Variants in CEP78 observed in about 807,000 individuals in gnomAD.
CEP78 encodes the protein centrosomal protein 78, also known as centrosomal protein of 78 kDa.
In CEP78, 76 loss-of-function variants were observed where a neutral mutation model predicts 81.2. The ratio of observed to expected loss-of-function variants is 0.94; its 90% CI spans 0.78 to 1.13. CEP78 has a LOEUF of 1.13. Ranked by LOEUF, CEP78 falls within the 50% of genes most tolerant of loss-of-function variation. CEP78 has a pLI of 0.00. For synonymous variants in CEP78, 293 were observed against 301.4 expected (o/e 0.97, Z 0.29); for missense variants, 918 against 846.8 (o/e 1.08, Z -1.04).
In CEP78 at chr9:78,274,341, G is replaced by A. The variant is rs995969298; in HGVS notation, c.*3490G>A. The A allele has an allele frequency of 6.6e-6, 1 of 152,232 alleles. No individual in the cohort carries two copies. Among genetic ancestry groups the A allele is most frequent in the Non-Finnish European group, 1.5e-5 (1 of 68,110 alleles). The allele number at this position is 152,232 out of a possible 1,614,324, so 9.4% of individuals were successfully genotyped here. ...GGGGTTGGGAGGAGTTGATTACAAAGAGGCTGTACAAGGGAGTTTGTTTGT... is the reference window on the plus strand; with the variant it reads ...GGGGTTGGGAGGAGTTGATTACAAAAAGGCTGTACAAGGGAGTTTGTTTGT... On this transcript the variant is annotated 3_prime_UTR_variant, in exon 17 of 17. Transcript: ENST00000643273.
At chr9:78,250,696 G>T (rs1826716909) in intron 8 of CEP78, among the ~76,000 whole-genome samples, 1 of 152,046 alleles carries the variant, frequency 6.6e-6, no homozygotes, top group Admixed American at 6.5e-5. Flanking sequence ...CTAAGATTGT[G>T]CCACTGCACT....
rs143902867 is a variant in CEP78 at position 78,252,084 on chromosome 9, G to C, written c.1205+41G>C. 1.8e-3 allele frequency: 2,652 copies of C among 1,507,098 alleles called. 32 individuals carry two copies. The African/African-American group carries it at 0.03, about 17-fold the overall frequency. 93.4% of individuals were successfully genotyped at this position (1,507,098 alleles called of 1,614,324 possible). A position where few individuals can be genotyped will look rare whatever the true frequency, so the allele number is the denominator to read the frequency against. ...TTCCTATCTTTTAGGATAAAAATGG[G>C]ATTCAAAATTCTTTATTTTGGAGCT... On this transcript the variant is annotated intron_variant, in intron 9 of 16. Coordinates refer to ENST00000643273, the MANE Select transcript of CEP78 (RefSeq NM_001330691.3).
intron 1 of CEP78, among the ~76,000 whole-genome samples, chr9:78,236,827 G>A (rs879777840): frequency 2.0e-5 from 3 of 152,166 alleles, no homozygotes; most frequent in Middle Eastern, 3.2e-3. Context: ...AGGATTCCCT[G>A]CGCTGCTGAT....
At chr9:78,242,901 T>C (rs893550399) in intron 4 of CEP78, among the ~76,000 whole-genome samples, 1 of 152,204 alleles carries the variant, frequency 6.6e-6, no homozygotes, top group Non-Finnish European at 1.5e-5. Context: ...CTAAGAAATA[T>C]GTGAGATCCC....
rs146563928 is a variant in CEP78 at position 78,266,441 on chromosome 9, G to C, written c.1846-1G>C. 4,901 of 1,578,644 alleles carry C rather than the reference G, an allele frequency of 3.1e-3. 12 individuals carry two copies. The highest frequency in any genetic ancestry group is 3.7e-3 in the Non-Finnish European group (4,358 of 1,162,814). On this transcript the variant is annotated splice_acceptor_variant, in intron 15 of 16. Coordinates refer to ENST00000643273, the MANE Select transcript of CEP78 (RefSeq NM_001330691.3). LOFTEE classifies it high-confidence loss of function. The stretch of plus-strand genomic sequence containing the variant: ...AATTTTTGTTTTGTTTTTCCTTCTA[G>C]TTTCAGAAAATTACAGGTGATGCTA...
At chr9:78,259,588 C>T (rs558463266) in intron 11 of CEP78, among the ~76,000 whole-genome samples, 3 of 152,102 alleles carry the variant, frequency 2.0e-5, no homozygotes, top group South Asian at 2.1e-4. Context: ...TAATTCTGTT[C>T]GTATGTTTAT....
At chr9:78,248,142 A>G (rs1826583429) in intron 6 of CEP78, 149 bp from the exon 7 acceptor site, 1 of 634,184 alleles carries the variant, frequency 1.6e-6, no homozygotes, top group African/African-American at 1.9e-5. Context: ...TAGAATACTC[A>G]AAGGGGGAAA....
At chr9:78,253,928 G>A (rs187646279) in intron 10 of CEP78, 3 of 152,284 alleles carry the variant, frequency 2.0e-5, no homozygotes, top group Admixed American at 6.5e-5. Context: ...TCATTCTACC[G>A]TCTAGGATTT....
intron 16 of CEP78, among the ~76,000 whole-genome samples, 169 bp from the exon 17 acceptor site, chr9:78,270,672 G>T (rs72743774): frequency 6.6e-6 from 1 of 152,132 alleles, no homozygotes; most frequent in Admixed American, 6.5e-5. Flanking sequence ...TAATGAGTTC[G>T]TCCAATTTCA....
At chr9:78,247,810 A>G (rs1826567331) in intron 6 of CEP78, among the ~76,000 whole-genome samples, 1 of 152,128 alleles carries the variant, frequency 6.6e-6, no homozygotes, top group Non-Finnish European at 1.5e-5. Flanking sequence ...AGCTAACAAG[A>G]CTTGTGGGGT....
At chr9:78,255,057 A>G in intron 11 of CEP78, 93 bp downstream of exon 11, 2 of 1,046,830 alleles carry the variant, frequency 1.9e-6, no homozygotes, top group Non-Finnish European at 2.7e-6. Context: ...GACAGCTTGC[A>G]TGGGAATTCT....
chr9:78,268,324 A>G (rs1827612967), intron 16 of CEP78, among the ~76,000 whole-genome samples: 1 of 152,210 alleles, frequency 6.6e-6, no homozygotes, highest in Non-Finnish European at 1.5e-5. Context: ...CCACAAACAC[A>G]AGTAGTTGAG....
rs1826779631 is a variant in CEP78, at chr9:78,251,919, A to G, written c.1081A>G (p.Lys361Glu). 6.2e-7 allele frequency: 1 copy of G among 1,606,732 alleles called. No individual in the cohort carries two copies. The change falls in exon 9 of 17, where the codon AAG becomes GAG. Residue 361 changes from lysine (K) to glutamate (E), a missense_variant. Lys to Glu is a moderately conservative substitution (Grantham distance 56). Coordinates refer to ENST00000643273, the MANE Select transcript of CEP78 (RefSeq NM_001330691.3). ...CACTTCTCAAGTAGGATTGGCTACA[A>G]AGAAACCTGTAAGTAGTGGCAGAAA... The part of the protein sequence containing the change: ...KATIRIGLAT[K>E]KPVSSGRKHS...
At chr9:78,238,211 G>C (rs1322148556) in intron 1 of CEP78, among the ~76,000 whole-genome samples, 3 of 152,150 alleles carry the variant, frequency 2.0e-5, no homozygotes, top group Non-Finnish European at 4.4e-5. Flanking sequence ...GGGGCAGCAA[G>C]TATGGGTGAC....
chr9:78,241,979 G>A (rs147452055), intron 4 of CEP78, among the ~76,000 whole-genome samples, 180 bp downstream of exon 4: 92 of 152,256 alleles, frequency 6.0e-4, no homozygotes, highest in African/African-American at 2.1e-3. Flanking sequence ...AAGGTAGTAT[G>A]CTTAATCTTA....
At chr9:78,262,402 G>A (rs1239406997) in intron 11 of CEP78, among the ~76,000 whole-genome samples, 2 of 151,966 alleles carry the variant, frequency 1.3e-5, no homozygotes, top group Non-Finnish European at 2.9e-5. Flanking sequence ...TAAGTGTATG[G>A]TAGAGTTCCT....
chr9:78,241,564 G>GTAGA (rs1826229396), intron 3 of CEP78, 132 bp from the exon 4 acceptor site: 1 of 514,748 alleles, frequency 1.9e-6, no homozygotes, highest in African/African-American at 1.9e-5. Context: ...AGTTGCTTAG[G>GTAGA]TAGATTGTAA....
intron 11 of CEP78, among the ~76,000 whole-genome samples, chr9:78,256,318 G>C (rs953494584): frequency 6.6e-6 from 1 of 152,126 alleles, no homozygotes; most frequent in African/African-American, 2.4e-5. Flanking sequence ...ATATGGAAGA[G>C]TTGACTCCTA....
At position 78,278,825 on chromosome 9, in the gene CEP78, T is replaced by C. The variant is rs892742570; in HGVS notation, c.*7974T>C. ...GGTAATTTTCTTTAGATTTCCCTTT[T>C]CAGAACCCTTTTGTGACACTGAAAA... On this transcript the variant is annotated 3_prime_UTR_variant, in exon 17 of 17. Transcript: ENST00000643273. 3.3e-5 allele frequency: 5 copies of C among 152,224 alleles called. No homozygotes were observed. The highest frequency in any genetic ancestry group is 5.9e-5 in the Non-Finnish European group (4 of 68,024). The allele number at this position is 152,224 out of a possible 1,614,324, so 9.4% of individuals were successfully genotyped here. A position where few individuals can be genotyped will look rare whatever the true frequency, so the allele number is the denominator to read the frequency against.
Sources: allele counts gnomAD v4.1 joint callset (sites outside exome capture counted in the v4.1 genomes callset), GRCh38; gene constraint gnomAD v4.1.1; transcripts MANE v1.5; gene names NCBI Gene and HGNC (gene_info 2026-07-23, HGNC 2026-07-21).